CCDC148: variants seen among roughly 807,000 people sequenced by gnomAD.
The protein encoded by CCDC148 is coiled-coil domain containing 148.
A neutral mutation model predicts 85.7 loss-of-function variants in CCDC148; 89 were observed. That is an observed-to-expected ratio of 1.04 (90% CI 0.87 to 1.24). The LOEUF is 1.24. Among genes scored for constraint, CCDC148 ranks in the 50% most tolerant of loss-of-function variants. CCDC148 has a pLI of 0.00. For missense variants in CCDC148, 692 were observed against 671.7 expected, an observed-to-expected ratio of 1.03 and a Z score of -0.33; for synonymous variants, 230 against 213.9, an observed-to-expected ratio of 1.08 and a Z score of -0.66.
intron 1 of CCDC148, among the ~76,000 whole-genome samples, chr2:158,377,798 T>C (rs1684715615): frequency 1.3e-5 from 2 of 152,128 alleles, no homozygotes; most frequent in African/African-American, 4.8e-5. Context: ...TTGATGATAC[T>C]ATCGTAATTG....
At chr2:158,327,752 T>C (rs563012419) in intron 7 of CCDC148, among the ~76,000 whole-genome samples, 1 of 152,296 alleles carries the variant, frequency 6.6e-6, no homozygotes, top group Non-Finnish European at 1.5e-5. Flanking sequence ...ATGGAAAATA[T>C]CTCTATAATT....
rs190397150 is a variant in CCDC148, at chr2:158,371,896, T to C, written c.26-13326A>G. ...GCTTATGAACCAGTTCCACATATAG[T>C]CAACCTATATGATTTTCTCTATTTT... is the stretch of plus-strand genomic sequence containing the variant. On this transcript the variant is annotated intron_variant, in intron 1 of 13. Transcript: ENST00000283233. Among the ~76,000 whole-genome samples the C allele has an allele frequency of 7.2e-5, 11 of 152,136 alleles. No homozygotes were observed. In the East Asian group the frequency reaches 1.7e-3, roughly 24 times the overall value.
chr2:158,228,430 C>T (rs1283116445), intron 10 of CCDC148, among the ~76,000 whole-genome samples: 1 of 152,118 alleles, frequency 6.6e-6, no homozygotes, highest in African/African-American at 2.4e-5. Flanking sequence ...GCTAGAAATA[C>T]CATTTGACCC....
intron 7 of CCDC148, among the ~76,000 whole-genome samples, chr2:158,327,129 A>T (rs1257764280): frequency 6.6e-6 from 1 of 152,170 alleles, no homozygotes; most frequent in Non-Finnish European, 1.5e-5. Context: ...AAATCAGTGT[A>T]TACATATTCA....
At chr2:158,257,502 C>T (rs1229802282) in intron 9 of CCDC148, among the ~76,000 whole-genome samples, 1 of 151,782 alleles carries the variant, frequency 6.6e-6, no homozygotes, top group Non-Finnish European at 1.5e-5. Flanking sequence ...AAACTTTGCT[C>T]ATGAAATATA....
chr2:158,366,053 C>T (rs1486364676), intron 1 of CCDC148: 1 of 1,540,952 alleles, frequency 6.5e-7, no homozygotes, highest in South Asian at 1.2e-5. Context: ...AATGGTTGGT[C>T]TCTTTGATTC....
intron 1 of CCDC148, among the ~76,000 whole-genome samples, chr2:158,360,922 C>T (rs1320333157): frequency 6.6e-6 from 1 of 151,750 alleles, no homozygotes; most frequent in Non-Finnish European, 1.5e-5. Flanking sequence ...AAGCTAAGAA[C>T]CTTGAAAAAA....
intron 7 of CCDC148, among the ~76,000 whole-genome samples, chr2:158,330,595 C>T (rs1693048561): frequency 6.6e-6 from 1 of 152,202 alleles, no homozygotes; most frequent in South Asian, 2.1e-4. Flanking sequence ...ACCAGCTCCT[C>T]CTTATACCTC....
intron 11 of CCDC148, among the ~76,000 whole-genome samples, chr2:158,210,006 C>G (rs1380042475): frequency 6.6e-6 from 1 of 152,152 alleles, no homozygotes; most frequent in African/African-American, 2.4e-5. Flanking sequence ...AATTAAAAGA[C>G]ACAGACTGGC....
intron 2 of CCDC148, among the ~76,000 whole-genome samples, chr2:158,353,793 C>A (rs1019836698): frequency 2.5e-4 from 38 of 152,202 alleles, no homozygotes; most frequent in Middle Eastern, 3.4e-3. Flanking sequence ...AGCACCACAC[C>A]ACACCTATTC....
chr2:158,392,621 T>C (rs1279300944), intron 1 of CCDC148, among the ~76,000 whole-genome samples: 1 of 152,114 alleles, frequency 6.6e-6, no homozygotes, highest in Non-Finnish European at 1.5e-5. Context: ...CCTATATTTG[T>C]AAACTATTAC....
chr2:158,332,924 CTTTTT>C (rs1296292662), intron 7 of CCDC148, among the ~76,000 whole-genome samples: 7 of 151,120 alleles, frequency 4.6e-5, no homozygotes, highest in South Asian at 4.2e-4. Context: ...CTTCTCTTTT[CTTTTT>C]TATTAGTCTG....
chr2:158,335,899 T>C (rs565109652), intron 7 of CCDC148, among the ~76,000 whole-genome samples: 24 of 152,020 alleles, frequency 1.6e-4, no homozygotes, highest in Admixed American at 3.9e-4. Context: ...GATCTAGAGA[T>C]GGAGTCATTT....
At chr2:158,387,222 A>T (rs1194238910) in intron 1 of CCDC148, among the ~76,000 whole-genome samples, 5 of 152,176 alleles carry the variant, frequency 3.3e-5, no homozygotes, top group Non-Finnish European at 1.5e-5. Flanking sequence ...GGCCACTGAG[A>T]TGTCACTACT....
At chr2:158,269,178 C>T (rs1391084004) in intron 9 of CCDC148, among the ~76,000 whole-genome samples, 1 of 152,120 alleles carries the variant, frequency 6.6e-6, no homozygotes, top group African/African-American at 2.4e-5. Flanking sequence ...TACATGCCCA[C>T]CAACAGTGTA....
chr2:158,293,940 GCCTTCCTTCCCCTCTCCCTC>G (rs1691013975), intron 9 of CCDC148, among the ~76,000 whole-genome samples: 2 of 134,508 alleles, frequency 1.5e-5, no homozygotes, highest in African/African-American at 5.6e-5. Context: ...GTGCCTTCCT[GCCTTCCTTCCCCTCTCCCTC>G]CCTCCCTCCC....
chr2:158,245,643 C>CA (rs2105323928), intron 10 of CCDC148, among the ~76,000 whole-genome samples: 1 of 152,288 alleles, frequency 6.6e-6, no homozygotes, highest in Admixed American at 6.5e-5. Context: ...CATCATGCAG[C>CA]AACAACATCT....
chr2:158,402,392 C>T (rs1225265109), intron 1 of CCDC148, among the ~76,000 whole-genome samples: 2 of 148,696 alleles, frequency 1.3e-5, no homozygotes, highest in Middle Eastern at 3.5e-3. Context: ...GTTCTTTGTT[C>T]GTAATGCAGA....
At chr2:158,285,254 C>T (rs1264454311) in intron 9 of CCDC148, among the ~76,000 whole-genome samples, 3 of 147,582 alleles carry the variant, frequency 2.0e-5, no homozygotes, top group South Asian at 4.3e-4. Context: ...TGCCATTGCA[C>T]TCCAGGCTGG....
Sources: gnomAD v4.1 joint callset for allele counts (sites outside exome capture counted in the v4.1 genomes callset) on GRCh38, gnomAD v4.1.1 for gene constraint, MANE v1.5 for transcripts, NCBI Gene and HGNC (gene_info 2026-07-23, HGNC 2026-07-21) for gene names.